IKBKB-DT: variants seen among roughly 807,000 people sequenced by gnomAD.
IKBKB-DT encodes the protein IKBKB antisense RNA.
exon 1 of IKBKB-DT, chr8:42,271,182 GC>G: frequency 1.7e-6 from 1 of 601,068 alleles, no homozygotes; most frequent in South Asian, 1.8e-5. Flanking sequence ...CGCCACCCCC[GC>G]CCCGGGGGAG....
At chr8:42,236,920 A>AT (rs1172909562) in intron 3 of IKBKB-DT, among the ~76,000 whole-genome samples, 6 of 152,150 alleles carry the variant, frequency 3.9e-5, no homozygotes, top group Non-Finnish European at 7.4e-5. Context: ...AGGTCTCACC[A>AT]TGTTGCCCAG....
At chr8:42,249,417 A>ATATG (rs71548570) in intron 3 of IKBKB-DT, 1 of 129,728 alleles carries the variant, frequency 7.7e-6, no homozygotes, top group African/African-American at 3.8e-5. Flanking sequence ...ATGTATATAT[A>ATATG]TGTGTGTGTG....
chr8:42,249,392 A>G (rs748569164), intron 3 of IKBKB-DT: 2 of 150,260 alleles, frequency 1.3e-5, no homozygotes, highest in African/African-American at 2.5e-5. Flanking sequence ...AAATATCCCT[A>G]TAATTTATAT....
rs944560398 is a variant in IKBKB-DT at position 42,237,702 on chromosome 8, C to A, written n.1530-3843G>T. The stretch of plus-strand genomic sequence containing the variant: ...TACAATGAGGGGGATCTGCTCCTCT[C>A]TTCTGGGGGTTGCAGAAGAGCCTGG... On this transcript the variant is annotated intron_variant and non_coding_transcript_variant, in intron 3 of 3. Coordinates refer to ENST00000518213, the Ensembl canonical transcript of IKBKB-DT. Among the ~76,000 whole-genome samples the A allele has an allele frequency of 9.9e-5, 15 of 152,180 alleles. No individual in the cohort carries two copies. The East Asian group carries it at 2.7e-3, about 28-fold the overall frequency.
chr8:42,238,024 CAAA>C (rs35087510), intron 3 of IKBKB-DT, among the ~76,000 whole-genome samples: 8 of 35,226 alleles, frequency 2.3e-4, no homozygotes, highest in Non-Finnish European at 5.9e-4. Context: ...GGCCCTCTCT[CAAA>C]AAAAAAAAAA....
intron 1 of IKBKB-DT, among the ~76,000 whole-genome samples, chr8:42,269,597 G>T (rs1398155372): frequency 1.4e-5 from 2 of 141,496 alleles, no homozygotes; most frequent in Non-Finnish European, 3.1e-5. Context: ...TGGAGGGGAG[G>T]GGAGGAGAGG....
chr8:42,233,720 C>T (rs1040812941), exon 4 of IKBKB-DT: 1 of 152,148 alleles, frequency 6.6e-6, no homozygotes, highest in African/African-American at 2.4e-5. Flanking sequence ...TCAGTCTCTC[C>T]CAGCAGTCGG....
intron 3 of IKBKB-DT, among the ~76,000 whole-genome samples, chr8:42,234,187 G>A (rs142883097): frequency 4.0e-4 from 61 of 152,312 alleles, no homozygotes; most frequent in Middle Eastern, 3.4e-3. Flanking sequence ...TTGGAGGTTA[G>A]AAGCAAGATG....
chr8:42,264,329 AT>A (rs1047410413), intron 2 of IKBKB-DT, among the ~76,000 whole-genome samples: 2 of 150,292 alleles, frequency 1.3e-5, no homozygotes, highest in Non-Finnish European at 3.0e-5. Flanking sequence ...TAATATTTTG[AT>A]TTTTTTGTAG....
intron 1 of IKBKB-DT, among the ~76,000 whole-genome samples, chr8:42,267,550 C>T (rs894537544): frequency 1.3e-5 from 2 of 152,154 alleles, no homozygotes; most frequent in African/African-American, 4.8e-5. Flanking sequence ...GATGAGATCT[C>T]ATTCCATTGC....
At chr8:42,268,634 T>C (rs1807410260) in intron 1 of IKBKB-DT, among the ~76,000 whole-genome samples, 1 of 151,356 alleles carries the variant, frequency 6.6e-6, no homozygotes, top group Non-Finnish European at 1.5e-5. Context: ...TGGTGCGATC[T>C]CCACTCACTG....
chr8:42,264,312 A>T (rs1269004924), intron 2 of IKBKB-DT, among the ~76,000 whole-genome samples: 1 of 151,266 alleles, frequency 6.6e-6, no homozygotes, highest in Admixed American at 6.6e-5. Context: ...ACGACACCAC[A>T]CCCAGCTAAT....
At chr8:42,256,508 G>T (rs1807202603) in intron 3 of IKBKB-DT, among the ~76,000 whole-genome samples, 1 of 152,042 alleles carries the variant, frequency 6.6e-6, no homozygotes, top group Non-Finnish European at 1.5e-5. Flanking sequence ...AGAGGCAGAG[G>T]TGGCAGTGAG....
At chr8:42,238,934 C>T (rs1806961583) in intron 3 of IKBKB-DT, among the ~76,000 whole-genome samples, 1 of 152,158 alleles carries the variant, frequency 6.6e-6, no homozygotes. Flanking sequence ...AAACTCCCAT[C>T]CTTTTGCTTG....
intron 3 of IKBKB-DT, among the ~76,000 whole-genome samples, chr8:42,235,595 C>A (rs956892796): frequency 1.3e-5 from 2 of 152,190 alleles, no homozygotes; most frequent in Admixed American, 1.3e-4. Context: ...AAGAGGACAG[C>A]TTCGATTTCC....
At chr8:42,244,605 A>C (rs1807040801) in intron 3 of IKBKB-DT, among the ~76,000 whole-genome samples, 1 of 152,122 alleles carries the variant, frequency 6.6e-6, no homozygotes, top group Admixed American at 6.5e-5. Context: ...GCTGGAGTGC[A>C]GTGGTGCTCA....
chr8:42,246,242 G>A (rs776071476), intron 3 of IKBKB-DT, among the ~76,000 whole-genome samples: 3 of 152,010 alleles, frequency 2.0e-5, no homozygotes, highest in Non-Finnish European at 4.4e-5. Context: ...TGTCCAGGGT[G>A]GTCTCAAACT....
chr8:42,255,373 C>T (rs1807185357), intron 3 of IKBKB-DT: 2 of 152,150 alleles, frequency 1.3e-5, no homozygotes, highest in South Asian at 2.1e-4. Flanking sequence ...GTTAGACTTT[C>T]CAAGTCTCTC....
chr8:42,234,509 G>A (rs188567427), intron 3 of IKBKB-DT, among the ~76,000 whole-genome samples: 3 of 152,298 alleles, frequency 2.0e-5, no homozygotes, highest in Admixed American at 2.0e-4. Flanking sequence ...ATTAAGACAG[G>A]AAGATAAATC....
Sources: allele counts gnomAD v4.1 joint callset (sites outside exome capture counted in the v4.1 genomes callset), GRCh38; gene constraint gnomAD v4.1.1; transcripts MANE v1.5; gene names NCBI Gene and HGNC (gene_info 2026-07-23, HGNC 2026-07-21).